CHD9: variants seen among roughly 807,000 people sequenced by gnomAD.
CHD9 encodes the protein chromodomain helicase DNA binding protein 9.
Under a neutral mutation model 316.1 loss-of-function variants are expected in CHD9, and 77 were observed. That is an observed-to-expected ratio of 0.24 (90% CI 0.20 to 0.29). CHD9 has a LOEUF of 0.29. Ranked by LOEUF, CHD9 falls within the 10% of genes least tolerant of loss-of-function variation. The pLI is 1.00. For synonymous variants in CHD9, 1,129 were observed against 1,158.3 expected (o/e 0.97, Z 0.51); for missense variants, 2,763 against 3,438.1 (o/e 0.80, Z 4.91).
At chr16:53,208,318 A>G in intron 2 of CHD9, 1 of 1,281,948 alleles carries the variant, frequency 7.8e-7, no homozygotes, top group South Asian at 1.3e-5. Flanking sequence ...GACGCCAAAA[A>G]TGTCTTCAGT....
intron 1 of CHD9, among the ~76,000 whole-genome samples, chr16:53,132,106 G>T (rs537696856): frequency 1.4e-3 from 115 of 79,414 alleles, no homozygotes; most frequent in African/African-American, 4.7e-3. Flanking sequence ...AATTTTTTTT[G>T]GGGGGGGTGG....
chr16:53,080,367 C>G (rs2034915050), intron 1 of CHD9, among the ~76,000 whole-genome samples: 1 of 152,176 alleles, frequency 6.6e-6, no homozygotes, highest in Non-Finnish European at 1.5e-5. Flanking sequence ...GTTTCTAGTA[C>G]AGCAGTTTGT....
rs777290043 is a variant in CHD9 at position 53,209,657 on chromosome 16, G to A, written c.1628G>A (p.Arg543His). The A allele has an allele frequency of 3.1e-6, 5 of 1,613,844 alleles. No individual in the cohort carries two copies. The highest frequency in any genetic ancestry group is 2.2e-5 in the South Asian group (2 of 91,084). ...GCAAAAGCAAAGGAGCGTGGGGAAC[G>A]CAATATTCCACGAGTAATGAGCCCT... ...AIAKAKERGE[R>H]NIPRVMSPEN... The change falls in exon 3 of 39, where the codon CGC becomes CAC. Residue 543 changes from arginine to histidine, a missense_variant. This residue lies in a region of CHD9 where 859 missense variants were observed against 890.4 expected (regional missense o/e 0.96). Transcript: ENST00000447540.
At chr16:53,306,758 G>A (rs1464688906) in intron 32 of CHD9, among the ~76,000 whole-genome samples, 2 of 151,932 alleles carry the variant, frequency 1.3e-5, no homozygotes, top group Non-Finnish European at 2.9e-5. Context: ...TACATTCAGT[G>A]GAAGAAGAAA....
At chr16:53,213,314 C>T (rs556774878) in intron 3 of CHD9, among the ~76,000 whole-genome samples, 17 of 152,176 alleles carry the variant, frequency 1.1e-4, no homozygotes, top group African/African-American at 3.6e-4. Context: ...TGAGGTAGGC[C>T]TGGAAAACTT....
At chr16:53,259,599 A>G (rs967141577) in intron 19 of CHD9, among the ~76,000 whole-genome samples, 3 of 152,108 alleles carry the variant, frequency 2.0e-5, no homozygotes, top group African/African-American at 7.2e-5. Context: ...TACAGCCTTG[A>G]CTTCCTGGGC....
At chr16:53,258,243 A>G (rs951668961) in intron 19 of CHD9, among the ~76,000 whole-genome samples, 5 of 152,160 alleles carry the variant, frequency 3.3e-5, no homozygotes, top group Non-Finnish European at 5.9e-5. Flanking sequence ...GGCCTTTCCT[A>G]CTTTACTATA....
At position 53,092,657 on chromosome 16, in the gene CHD9, A is replaced by C. The variant is rs1047337149; in HGVS notation, c.-165+37580A>C. Among the ~76,000 whole-genome samples the C allele has an allele frequency of 2.0e-5, 3 of 152,124 alleles. 1 individual carries two copies. Among genetic ancestry groups the C allele is most frequent in the East Asian group, 1.9e-4 (1 of 5,180 alleles). ...GTAACCCCTACCCACCCTAAATCCC[A>C]TCCCTGCAAAAGAACCCCACTCTCC... is the stretch of plus-strand genomic sequence containing the variant. On this transcript the variant is annotated intron_variant, in intron 1 of 38. Transcript: ENST00000447540.
At chr16:53,161,832 A>C (rs1178018647) in intron 2 of CHD9, among the ~76,000 whole-genome samples, 1 of 151,834 alleles carries the variant, frequency 6.6e-6, no homozygotes, top group Non-Finnish European at 1.5e-5. Flanking sequence ...GCTTACTGCA[A>C]CCTCTGCCTC....
rs560944495 is a variant in CHD9, at chr16:53,058,649, A to G, written c.-165+3572A>G. ...GCTCAGTGTCTTGTGGGCAGCTCTC[A>G]TTTCATCCGATTAGCACGGTAATCC... On this transcript the variant is annotated intron_variant, in intron 1 of 38. Coordinates refer to ENST00000447540, the MANE Select transcript of CHD9 (RefSeq NM_001308319.2). 1.1e-3 allele frequency among the ~76,000 whole-genome samples: 171 copies of G among 152,210 alleles called. 2 individuals carry two copies. In the Middle Eastern group the frequency reaches 0.017, roughly 15 times the overall value.
At chr16:53,241,298 C>G (rs1022029938) in intron 12 of CHD9, among the ~76,000 whole-genome samples, 84 of 152,252 alleles carry the variant, frequency 5.5e-4, no homozygotes, top group African/African-American at 1.7e-3. Context: ...TTTCTCAAGC[C>G]CCCTTTATTG....
At chr16:53,109,392 C>T (rs2037644406) in intron 1 of CHD9, among the ~76,000 whole-genome samples, 1 of 152,204 alleles carries the variant, frequency 6.6e-6, no homozygotes, top group Non-Finnish European at 1.5e-5. Context: ...TCAGGAAACA[C>T]TGAAAGTTTC....
At chr16:53,308,391 A>T (rs554179299) in intron 33 of CHD9, among the ~76,000 whole-genome samples, 2 of 151,918 alleles carry the variant, frequency 1.3e-5, no homozygotes, top group African/African-American at 4.9e-5. Flanking sequence ...AATAATGTAC[A>T]TAGAGATGTA....
At chr16:53,208,954 T>C (rs573121256) in intron 2 of CHD9, among the ~76,000 whole-genome samples, 1 of 152,330 alleles carries the variant, frequency 6.6e-6, no homozygotes, top group African/African-American at 2.4e-5. Context: ...TCTCTAATTT[T>C]AAGTATGAGA....
intron 2 of CHD9, among the ~76,000 whole-genome samples, chr16:53,173,553 T>A (rs34078613): frequency 0.12 from 18,272 of 152,054 alleles, 1,274 homozygotes; most frequent in South Asian, 0.23. Flanking sequence ...TAATTTTATT[T>A]TTTTTTTTTA....
At chr16:53,178,487 T>A (rs2043247708) in intron 2 of CHD9, among the ~76,000 whole-genome samples, 1 of 148,360 alleles carries the variant, frequency 6.7e-6, no homozygotes, top group East Asian at 2.0e-4. Context: ...GGCTGGAGTG[T>A]AGTGGCGCAA....
chr16:53,251,626 G>T (rs1233314490), intron 17 of CHD9, among the ~76,000 whole-genome samples: 2 of 152,180 alleles, frequency 1.3e-5, no homozygotes, highest in East Asian at 3.8e-4. Context: ...GATTTAATTT[G>T]TCTGAAGATA....
intron 38 of CHD9, among the ~76,000 whole-genome samples, chr16:53,322,424 CA>C (rs2057336938): frequency 1.3e-5 from 2 of 151,592 alleles, no homozygotes; most frequent in South Asian, 4.2e-4. Flanking sequence ...CCGGCCAACA[CA>C]GAGAAACCCC....
At chr16:53,220,751 GATCTTC>G (rs2047168946) in intron 3 of CHD9, among the ~76,000 whole-genome samples, 1 of 152,134 alleles carries the variant, frequency 6.6e-6, no homozygotes, top group Non-Finnish European at 1.5e-5. Context: ...GGCCTTCTGT[GATCTTC>G]ACCCATTCTG....
Sources: gnomAD v4.1 joint callset for allele counts (sites outside exome capture counted in the v4.1 genomes callset) on GRCh38, gnomAD v4.1.1 for gene constraint, gnomAD v4.1.1 regional missense constraint, MANE v1.5 for transcripts, NCBI Gene and HGNC (gene_info 2026-07-23, HGNC 2026-07-21) for gene names.